Variants in RNF217 observed in about 807,000 individuals in gnomAD.
The protein encoded by RNF217 is ring finger protein 217.
A neutral mutation model predicts 57.8 loss-of-function variants in RNF217; 31 were observed. The ratio of observed to expected loss-of-function variants is 0.54; its 90% confidence interval spans 0.40 to 0.72. The LOEUF (loss-of-function observed/expected upper bound fraction) is 0.72. Among genes scored for constraint, RNF217 ranks in the 30% least tolerant of loss-of-function variants. The pLI, the probability that RNF217 is intolerant of heterozygous loss-of-function variation, is 0.00. For missense variants in RNF217, 696 were observed against 708.3 expected (o/e 0.98, Z 0.20); for synonymous variants, 313 against 294.0 (o/e 1.06, Z -0.66).
chr6:124,967,573 A>G (rs768037374), intron 1 of RNF217, among the ~76,000 whole-genome samples: 4 of 152,188 alleles, frequency 2.6e-5, no homozygotes, highest in Non-Finnish European at 4.4e-5. Context: ...CTTGGAATGT[A>G]TACACCTGTC....
At chr6:125,060,119 G>A (rs1251484758) in intron 3 of RNF217, among the ~76,000 whole-genome samples, 3 of 152,072 alleles carry the variant, frequency 2.0e-5, no homozygotes, top group African/African-American at 7.2e-5. Context: ...AACCTATGAG[G>A]AGATATTACT....
rs146014459 is a variant in RNF217 at position 125,089,865 on chromosome 6, C to A, written c.*6928C>A. On this transcript the variant is annotated 3_prime_UTR_variant, in exon 6 of 6. Coordinates refer to ENST00000521654, the MANE Select transcript of RNF217 (RefSeq NM_001286398.3). ...TGAATGTATTACTTCTTCAATATCC[C>A]CATATATTTGTATTGTTTCAAGCCA... 6.6e-6 allele frequency: 1 copy of A among 152,090 alleles called. No individual in the cohort carries two copies. The allele number at this position is 152,090 out of a possible 1,614,324, so 9.4% of individuals were successfully genotyped here. A position where few individuals can be genotyped will look rare whatever the true frequency, so the allele number is the denominator to read the frequency against.
chr6:124,963,547 T>G, intron 1 of RNF217, 121 bp downstream of exon 1: 2 of 1,175,284 alleles, frequency 1.7e-6, no homozygotes, highest in Non-Finnish European at 2.3e-6. Flanking sequence ...TGAGGATCTC[T>G]GTTAGTTTCT....
chr6:124,964,341 C>T (rs976469814), intron 1 of RNF217, among the ~76,000 whole-genome samples: 5 of 152,132 alleles, frequency 3.3e-5, no homozygotes, highest in Admixed American at 2.6e-4. Flanking sequence ...CCCTCCAAGT[C>T]ACTGCTTATA....
At chr6:125,008,262 A>G (rs1457420362) in intron 1 of RNF217, among the ~76,000 whole-genome samples, 2 of 152,070 alleles carry the variant, frequency 1.3e-5, no homozygotes, top group African/African-American at 4.8e-5. Flanking sequence ...TCTCAAAAAA[A>G]AAAAAAGTTA....
intron 1 of RNF217, among the ~76,000 whole-genome samples, chr6:125,030,699 G>T (rs1786314657): frequency 6.6e-6 from 1 of 152,158 alleles, no homozygotes; most frequent in Middle Eastern, 3.2e-3. Context: ...GCTTTGCAGG[G>T]TACAGTCTCC....
intron 1 of RNF217, among the ~76,000 whole-genome samples, chr6:124,968,308 A>C (rs1783627713): frequency 6.6e-6 from 1 of 151,784 alleles, no homozygotes; most frequent in Non-Finnish European, 1.5e-5. Context: ...GCATATTTAA[A>C]CTTATCCTTC....
At chr6:124,988,081 G>A (rs748096540) in intron 1 of RNF217, among the ~76,000 whole-genome samples, 3 of 152,144 alleles carry the variant, frequency 2.0e-5, no homozygotes, top group South Asian at 4.1e-4. Flanking sequence ...TCAGGTCAGC[G>A]AAGGCATCAG....
Position 125,042,417 on chromosome 6 carries a change from A to C in RNF217, c.883-2794A>C, listed in dbSNP as rs372424179. Reference sequence around the variant, plus strand: ...AGAGATGTAAATTGCTAGAGCTGGTAGTGGGTAGGTATGGGAATATGCATC... The same window carrying C: ...AGAGATGTAAATTGCTAGAGCTGGTCGTGGGTAGGTATGGGAATATGCATC... On this transcript the variant is annotated intron_variant, in intron 1 of 5. Coordinates refer to ENST00000521654, the MANE Select transcript of RNF217 (RefSeq NM_001286398.3). 8.9e-4 allele frequency among the ~76,000 whole-genome samples: 136 copies of C among 152,188 alleles called. 1 individual carries two copies. The highest frequency in any genetic ancestry group is 2.8e-3 in the African/African-American group (115 of 41,558).
At chr6:124,990,874 G>C (rs1784534825) in intron 1 of RNF217, among the ~76,000 whole-genome samples, 1 of 152,096 alleles carries the variant, frequency 6.6e-6, no homozygotes, top group African/African-American at 2.4e-5. Flanking sequence ...AGACCAGCCT[G>C]AGCAACAAAG....
At chr6:125,026,970 G>T (rs577516020) in intron 1 of RNF217, among the ~76,000 whole-genome samples, 20 of 151,864 alleles carry the variant, frequency 1.3e-4, no homozygotes, top group Non-Finnish European at 1.2e-4. Context: ...GAATGAACAT[G>T]ACATAATTTG....
intron 1 of RNF217, among the ~76,000 whole-genome samples, chr6:125,043,074 T>C (rs1251859993): frequency 6.6e-6 from 1 of 152,100 alleles, no homozygotes; most frequent in Non-Finnish European, 1.5e-5. Context: ...TGCTCTGCCC[T>C]TGTGCTCTGG....
chr6:125,073,581 C>G (rs1259985740), intron 3 of RNF217, among the ~76,000 whole-genome samples: 3 of 152,172 alleles, frequency 2.0e-5, no homozygotes, highest in African/African-American at 7.2e-5. Context: ...TAGCAAGAAA[C>G]ATGAGTTTTG....
At chr6:125,013,483 T>A (rs1159911938) in intron 1 of RNF217, among the ~76,000 whole-genome samples, 1 of 150,554 alleles carries the variant, frequency 6.6e-6, no homozygotes, top group East Asian at 2.0e-4. Context: ...ATGAAACATC[T>A]AGAGGGGGAG....
intron 2 of RNF217, among the ~76,000 whole-genome samples, chr6:125,054,103 T>C (rs1197886467): frequency 6.6e-6 from 1 of 152,136 alleles, no homozygotes; most frequent in Non-Finnish European, 1.5e-5. Context: ...CACAGTTCAC[T>C]GAGGAGTGAA....
intron 1 of RNF217, among the ~76,000 whole-genome samples, chr6:124,971,005 G>C (rs1647544107): frequency 6.6e-6 from 1 of 152,186 alleles, no homozygotes; most frequent in South Asian, 2.1e-4. Flanking sequence ...ATGGTTTTCA[G>C]GTTAGAGTGG....
chr6:125,005,863 A>G (rs1405938393), intron 1 of RNF217, among the ~76,000 whole-genome samples: 1 of 152,228 alleles, frequency 6.6e-6, no homozygotes, highest in Non-Finnish European at 1.5e-5. Flanking sequence ...ATTATTATTT[A>G]TACTGGAAAT....
At chr6:125,012,968 A>C (rs1377479897) in intron 1 of RNF217, among the ~76,000 whole-genome samples, 1 of 152,138 alleles carries the variant, frequency 6.6e-6, no homozygotes, top group African/African-American at 2.4e-5. Context: ...AGTTTTTCAG[A>C]TATAGAATAT....
At chr6:124,998,662 A>G (rs1270401070) in intron 1 of RNF217, among the ~76,000 whole-genome samples, 2 of 152,224 alleles carry the variant, frequency 1.3e-5, no homozygotes, top group Non-Finnish European at 2.9e-5. Flanking sequence ...CTAGTGAAGC[A>G]TGGTGGCGTG....
Sources: gnomAD v4.1 joint callset for allele counts (sites outside exome capture counted in the v4.1 genomes callset) on GRCh38, gnomAD v4.1.1 for gene constraint, MANE v1.5 for transcripts, NCBI Gene and HGNC (gene_info 2026-07-23, HGNC 2026-07-21) for gene names.